Variants in KNL1 observed in about 807,000 individuals in gnomAD.
KNL1 encodes the protein outer kinetochore KNL1 complex subunit KNL1.
Under a neutral mutation model 201.3 loss-of-function variants are expected in KNL1, and 66 were observed. The ratio of observed to expected loss-of-function variants is 0.33; its 90% CI spans 0.27 to 0.40. KNL1 has a LOEUF of 0.40. Ranked by LOEUF, KNL1 falls within the 10% of genes least tolerant of loss-of-function variation. The pLI, the probability that KNL1 is intolerant of heterozygous loss-of-function variation, is 1.00. For missense variants in KNL1, 2,815 were observed against 2,690.5 expected, an observed-to-expected ratio of 1.05 and a Z score of -1.02; for synonymous variants, 895 against 899.2, an observed-to-expected ratio of 1.00 and a Z score of 0.08.
At chr15:40,632,483 TC>T (rs1892938640) in intron 13 of KNL1, among the ~76,000 whole-genome samples, 1 of 151,890 alleles carries the variant, frequency 6.6e-6, no homozygotes. Flanking sequence ...GTGCCTGTAG[TC>T]CCAGCTACTC....
intron 9 of KNL1, among the ~76,000 whole-genome samples, chr15:40,620,279 C>T (rs933949079): frequency 2.0e-5 from 3 of 151,400 alleles, no homozygotes; most frequent in African/African-American, 4.9e-5. Flanking sequence ...AATCTCAGCT[C>T]GCTGCAAGCT....
intron 2 of KNL1, among the ~76,000 whole-genome samples, chr15:40,603,307 A>G (rs1329052872): frequency 6.6e-6 from 1 of 152,114 alleles, no homozygotes; most frequent in Non-Finnish European, 1.5e-5. Context: ...CTCATTGTTC[A>G]ATTTCCACCT....
At chr15:40,650,520 T>G (rs1490132299) in intron 18 of KNL1, 24 bp from the exon 19 acceptor site, 3 of 1,514,730 alleles carry the variant, frequency 2.0e-6, no homozygotes, top group East Asian at 2.3e-5. Flanking sequence ...TTGTTCTGTT[T>G]TTTTTTTTTT....
chr15:40,616,518 CAAG>C lies in KNL1; in HGVS notation c.322+1144_322+1146del, dbSNP rs1294448338. On this transcript the variant is annotated intron_variant, in intron 8 of 25. Transcript: ENST00000399668. ...TCAGTCATTCACTGAAGTCAGGAAT[CAAG>C]AAGTCATTTTCAATTCTTCCTTTAT... Among the ~76,000 whole-genome samples the C allele has an allele frequency of 3.3e-5, 5 of 152,328 alleles. No homozygotes were observed. The East Asian group carries it at 9.6e-4, about 29-fold the overall frequency.
chr15:40,656,487 C>T (rs1376857097), intron 22 of KNL1, among the ~76,000 whole-genome samples: 1 of 152,120 alleles, frequency 6.6e-6, no homozygotes, highest in African/African-American at 2.4e-5. Context: ...CATGTAAACC[C>T]ACACTCTTAC....
At position 40,664,090 on chromosome 15, in the gene KNL1, A is replaced by T. The variant is rs568663121; in HGVS notation, c.*1902A>T. The T allele has an allele frequency of 1.1e-5, 2 of 184,338 alleles. No individual in the cohort carries two copies. Among genetic ancestry groups the T allele is most frequent in the South Asian group, 3.9e-4 (2 of 5,086 alleles). 11.4% of individuals were successfully genotyped at this position (184,338 alleles called of 1,614,324 possible). ...TTATTGGAGTTATTTCTTTTCTGTAAGTCTGAAAAGTAGAGATTTTGTTTT... is the reference window on the plus strand; with the variant it reads ...TTATTGGAGTTATTTCTTTTCTGTATGTCTGAAAAGTAGAGATTTTGTTTT... On this transcript the variant is annotated 3_prime_UTR_variant, in exon 26 of 26. Coordinates refer to ENST00000399668, the MANE Select transcript of KNL1 (RefSeq NM_144508.5).
chr15:40,652,756 G>C (rs868779106), intron 21 of KNL1, among the ~76,000 whole-genome samples: 11 of 37,812 alleles, frequency 2.9e-4, no homozygotes, highest in Admixed American at 4.6e-4. Context: ...GAGCAAAACT[G>C]TCTCAAAAAA....
chr15:40,608,801 C>A, intron 4 of KNL1, 46 bp from the exon 5 acceptor site: 1 of 1,314,304 alleles, frequency 7.6e-7, no homozygotes, highest in Non-Finnish European at 1.1e-6. Context: ...AGATGTAATT[C>A]ACAGTGATTT....
In KNL1 at chr15:40,613,394, T is replaced by C. The variant is rs1176784795; in HGVS notation, c.284+1883T>C. 2.0e-5 allele frequency among the ~76,000 whole-genome samples: 3 copies of C among 152,238 alleles called. No individual in the cohort carries two copies. The East Asian group carries it at 5.8e-4, about 29-fold the overall frequency. On this transcript the variant is annotated intron_variant, in intron 7 of 25. Coordinates refer to ENST00000399668, the MANE Select transcript of KNL1 (RefSeq NM_144508.5). ...GAAAAGAACCTTGCTATAGGTTACA[T>C]GTTGGCTTTGTGGTTTATTAATTTA...
rs1486814401 is a variant in KNL1, at chr15:40,622,439, A to G, written c.2175A>G (p.Val725=). ...TAISSHTVKS[V]LGQNSKLAEP... Reference sequence around the variant, plus strand: ...TAAGTAGTCATACAGTGAAATCTGTACTAGGCCAGAATTCTAAACTGGCTG... The same window carrying G: ...TAAGTAGTCATACAGTGAAATCTGTGCTAGGCCAGAATTCTAAACTGGCTG... The change falls in exon 10 of 26, where the codon GTA becomes GTG. Residue 725 remains valine, a synonymous_variant. Transcript: ENST00000399668. 3 of 1,613,838 alleles carry G rather than the reference A, an allele frequency of 1.9e-6. No individual in the cohort carries two copies. The highest frequency in any genetic ancestry group is 1.3e-5 in the African/African-American group (1 of 74,952).
chr15:40,608,746 A>AG lies in KNL1; in HGVS notation c.136-101_136-100insG. ...GGCAACAAGAGCGAAACTCCATCTC[A>AG]AAAAAAAAAAAAAAAGGACTTGATC... is the stretch of plus-strand genomic sequence containing the variant. On this transcript the variant is annotated intron_variant, in intron 4 of 25. Coordinates refer to ENST00000399668, the MANE Select transcript of KNL1 (RefSeq NM_144508.5). 5 of 64,946 alleles carry AG rather than the reference A, an allele frequency of 7.7e-5. No individual in the cohort carries two copies. In the East Asian group the frequency reaches 1.3e-3, roughly 16 times the overall value. The allele number at this position is 64,946 out of a possible 1,614,324, so 4.0% of individuals were successfully genotyped here.
chr15:40,638,241 GGGGAAGGGAGGGGGGA>G (rs1893116314), intron 13 of KNL1, among the ~76,000 whole-genome samples: 1 of 88,078 alleles, frequency 1.1e-5, no homozygotes, highest in African/African-American at 4.0e-5. Flanking sequence ...AGGGAGGGGA[GGGGAAGGGAGGGGGGA>G]GGGGGAGGGG....
intron 19 of KNL1, among the ~76,000 whole-genome samples, chr15:40,650,899 C>T (rs1893536563): frequency 6.6e-6 from 1 of 151,914 alleles, no homozygotes; most frequent in Non-Finnish European, 1.5e-5. Context: ...GAATCTTATT[C>T]AACTGTAAGT....
At position 40,657,396 on chromosome 15, in the gene KNL1, C is replaced by G. The variant is rs770060961; in HGVS notation, c.6636C>G (p.Leu2212=). ...EFSLVVHHCR[L]LGEEIEYLKR... is the part of the protein sequence containing the mutation. ...CACTGGTAGTGCACCATTGCAGACT[C>G]CTTGGAGAGGAGATTGAGTATTTAA... Residue 2212 remains leucine, a synonymous_variant, in exon 24 of 26, where the codon CTC becomes CTG. Coordinates refer to ENST00000399668, the MANE Select transcript of KNL1 (RefSeq NM_144508.5). 6.2e-7 allele frequency: 1 copy of G among 1,608,916 alleles called. No individual in the cohort carries two copies. The highest frequency in any genetic ancestry group is 8.5e-7 in the Non-Finnish European group (1 of 1,175,238).
intron 14 of KNL1, among the ~76,000 whole-genome samples, chr15:40,644,610 AC>A (rs1893330569): frequency 6.6e-6 from 1 of 152,162 alleles, no homozygotes; most frequent in Admixed American, 6.5e-5. Context: ...CTTGGACAAT[AC>A]CCCGCTTTCA....
At chr15:40,601,859 CTTTTTTTTTTT>C (rs36046773) in intron 1 of KNL1, among the ~76,000 whole-genome samples, 1,753 of 64,628 alleles carry the variant, frequency 0.027, 48 homozygotes, top group African/African-American at 0.11. Context: ...AAAAATGCAT[CTTTTTTTTTTT>C]TTTTTTTTTT....
At chr15:40,651,346 C>T in intron 19 of KNL1, 125 bp from the exon 20 acceptor site, 1 of 434,776 alleles carries the variant, frequency 2.3e-6, no homozygotes, top group Non-Finnish European at 4.0e-6. Flanking sequence ...ATGCCATACA[C>T]CTAACATTAT....
intron 1 of KNL1, among the ~76,000 whole-genome samples, chr15:40,601,733 AT>A (rs1265123435): frequency 6.7e-6 from 1 of 149,434 alleles, no homozygotes; most frequent in African/African-American, 2.4e-5. Context: ...AGGCAGGAGA[AT>A]GGAGAATGGC....
In KNL1 at chr15:40,625,553, G is replaced by A. The variant is rs35818636; in HGVS notation, c.5289G>A (p.Thr1763=). Residue 1763 remains threonine, a synonymous_variant, in exon 10 of 26, where the codon ACG becomes ACA. Coordinates refer to ENST00000399668, the MANE Select transcript of KNL1 (RefSeq NM_144508.5). ...AAACTTGCAATAGCCAAAAAAGAAC[G>A]TGGGTACAAGAAGAAGAAGATATTC... ...MGKTCNSQKR[T]WVQEEEDIHK... 3.0e-4 allele frequency: 487 copies of A among 1,607,074 alleles called. 1 individual carries two copies. Among genetic ancestry groups the A allele is most frequent in the Non-Finnish European group, 3.8e-4 (443 of 1,178,266 alleles).
Sources: gnomAD v4.1 joint callset for allele counts (sites outside exome capture counted in the v4.1 genomes callset) on GRCh38, gnomAD v4.1.1 for gene constraint, MANE v1.5 for transcripts, NCBI Gene and HGNC (gene_info 2026-07-23, HGNC 2026-07-21) for gene names.